TMPRSS11F: variants seen among roughly 807,000 people sequenced by gnomAD.
TMPRSS11F encodes the protein transmembrane protease serine 11F.
In TMPRSS11F, 47 loss-of-function variants were observed where a neutral mutation model predicts 60.2. That is an observed-to-expected ratio of 0.78 (90% CI 0.62 to 1.00). TMPRSS11F has a LOEUF of 1.00. Ranked by LOEUF, TMPRSS11F falls within the 50% of genes least tolerant of loss-of-function variation. The probability of loss-of-function intolerance (pLI) is 0.00; values close to 1 mark genes in which losing one functional copy is unlikely to be tolerated. For missense variants in TMPRSS11F, 519 were observed against 522.9 expected (o/e 0.99, Z 0.07); for synonymous variants, 166 against 167.3 (o/e 0.99, Z 0.06).
At chr4:68,123,797 T>C (rs989568448) in intron 1 of TMPRSS11F, among the ~76,000 whole-genome samples, 4 of 152,206 alleles carry the variant, frequency 2.6e-5, no homozygotes, top group African/African-American at 2.4e-5. Flanking sequence ...TCTATGCTAA[T>C]ATGGCAAACC....
At chr4:68,091,369 G>T (rs1300199540) in intron 2 of TMPRSS11F, among the ~76,000 whole-genome samples, 1 of 151,930 alleles carries the variant, frequency 6.6e-6, no homozygotes, top group Non-Finnish European at 1.5e-5. Context: ...GGCATTCAAA[G>T]ATTCTATCTT....
intron 3 of TMPRSS11F, among the ~76,000 whole-genome samples, chr4:68,083,337 A>T (rs76272210): frequency 0.036 from 5,425 of 152,256 alleles, 273 homozygotes; most frequent in African/African-American, 0.11. Context: ...CCCCTAAGGC[A>T]CAGGGATGGA....
At chr4:68,060,333 C>T (rs1459136289) in intron 8 of TMPRSS11F, among the ~76,000 whole-genome samples, 2 of 149,184 alleles carry the variant, frequency 1.3e-5, no homozygotes, top group South Asian at 2.1e-4. Context: ...CGGTGAAACC[C>T]TGTCTCTACT....
At chr4:68,117,385 T>G (rs1577936559) in intron 1 of TMPRSS11F, among the ~76,000 whole-genome samples, 1 of 138,618 alleles carries the variant, frequency 7.2e-6, no homozygotes, top group African/African-American at 2.7e-5. Context: ...GAGAATGGAG[T>G]GAACCCTGGG....
chr4:68,061,216 T>A (rs1469911161), intron 8 of TMPRSS11F, among the ~76,000 whole-genome samples: 5 of 152,184 alleles, frequency 3.3e-5, no homozygotes, highest in Admixed American at 2.6e-4. Context: ...ATCATACAAC[T>A]TTTACATACT....
intron 3 of TMPRSS11F, among the ~76,000 whole-genome samples, chr4:68,088,586 A>G (rs1476183006): frequency 6.6e-6 from 1 of 152,092 alleles, no homozygotes; most frequent in Non-Finnish European, 1.5e-5. Flanking sequence ...TCAACAGAAT[A>G]TACATTTTTT....
intron 1 of TMPRSS11F, among the ~76,000 whole-genome samples, chr4:68,102,395 T>C (rs552912736): frequency 3.0e-4 from 46 of 152,310 alleles, no homozygotes; most frequent in South Asian, 6.2e-4. Flanking sequence ...GAAACCTCCA[T>C]ACTGTTTTTA....
At chr4:68,062,790 A>G (rs778174546) in intron 8 of TMPRSS11F, 9 of 746,260 alleles carry the variant, frequency 1.2e-5, no homozygotes, top group South Asian at 1.1e-4. Flanking sequence ...CTGCGGATGG[A>G]TATCTTGCAT....
chr4:68,065,770 A>AAT (rs1212315672), intron 7 of TMPRSS11F, among the ~76,000 whole-genome samples: 1 of 151,502 alleles, frequency 6.6e-6, no homozygotes, highest in Non-Finnish European at 1.5e-5. Context: ...AATGTAATAA[A>AAT]AAAAAAAAAC....
At chr4:68,116,482 T>C (rs1560411661) in intron 1 of TMPRSS11F, among the ~76,000 whole-genome samples, 1 of 148,140 alleles carries the variant, frequency 6.8e-6, no homozygotes, top group East Asian at 2.0e-4. Flanking sequence ...TTCACAGAAA[T>C]AAAAAAAAAA....
chr4:68,114,991 A>T (rs1245348725), intron 1 of TMPRSS11F, among the ~76,000 whole-genome samples: 1 of 1,468 alleles, frequency 6.8e-4, no homozygotes, highest in African/African-American at 1.1e-3. Flanking sequence ...TTCATTATTT[A>T]AAAAAAAAAA....
At chr4:68,106,162 G>C (rs565365474) in intron 1 of TMPRSS11F, among the ~76,000 whole-genome samples, 1 of 152,162 alleles carries the variant, frequency 6.6e-6, no homozygotes, top group African/African-American at 2.4e-5. Flanking sequence ...AAAGCCTTTT[G>C]GTAATTTAAA....
intron 3 of TMPRSS11F, among the ~76,000 whole-genome samples, chr4:68,082,455 G>A (rs572480799): frequency 2.0e-5 from 3 of 152,328 alleles, no homozygotes; most frequent in Non-Finnish European, 4.4e-5. Context: ...GGCCAGGAGA[G>A]AGCAGTGCTG....
chr4:68,056,247 G>A (rs893991778), intron 9 of TMPRSS11F, among the ~76,000 whole-genome samples: 7 of 152,098 alleles, frequency 4.6e-5, no homozygotes, highest in Non-Finnish European at 8.8e-5. Flanking sequence ...GTCTTTGTGT[G>A]TTGACAACAT....
At chr4:68,087,525 A>C (rs1723837292) in intron 3 of TMPRSS11F, among the ~76,000 whole-genome samples, 1 of 152,132 alleles carries the variant, frequency 6.6e-6, no homozygotes, top group Non-Finnish European at 1.5e-5. Context: ...ATGAGGCAAG[A>C]GAAAAAAGTA....
intron 3 of TMPRSS11F, chr4:68,077,439 CTT>C (rs1312834752): frequency 3.3e-5 from 5 of 152,314 alleles, no homozygotes; most frequent in South Asian, 4.2e-4. Context: ...GATGCCCTGA[CTT>C]TTGTAAATAT....
chr4:68,098,971 A>C lies in TMPRSS11F; in HGVS notation c.79T>G (p.Ser27Ala), dbSNP rs752632077. 6.2e-7 allele frequency: 1 copy of C among 1,613,400 alleles called. No homozygotes were observed. ...EYQRKQQFWD[S>A]VRLALFTLAI... ...AATGTGAAAAGAGCTAGCCGTACTG[A>C]GTCCCAAAATTGCTGCTTTCTTTGA... Residue 27 changes from serine to alanine, a missense_variant, in exon 2 of 10, where the codon TCA (serine) becomes GCA (alanine). By Grantham distance (99) the Ser-to-Ala change is moderately conservative. Transcript: ENST00000356291.
At chr4:68,086,107 C>T (rs1723805957) in intron 3 of TMPRSS11F, among the ~76,000 whole-genome samples, 1 of 151,904 alleles carries the variant, frequency 6.6e-6, no homozygotes, top group Non-Finnish European at 1.5e-5. Context: ...GAATATACTA[C>T]AAGATAAATC....
At chr4:68,128,286 CAAG>C (rs1560415120) in intron 1 of TMPRSS11F, among the ~76,000 whole-genome samples, 1 of 152,012 alleles carries the variant, frequency 6.6e-6, no homozygotes, top group African/African-American at 2.4e-5. Flanking sequence ...ATCTAATTAG[CAAG>C]AATATTTTAA....
Sources: gnomAD v4.1 joint callset for allele counts (sites outside exome capture counted in the v4.1 genomes callset) on GRCh38, gnomAD v4.1.1 for gene constraint, MANE v1.5 for transcripts, NCBI Gene and HGNC (gene_info 2026-07-23, HGNC 2026-07-21) for gene names.